RAB3GAP2: variants seen among roughly 807,000 people sequenced by gnomAD.
RAB3GAP2 encodes the protein RAB3 GTPase activating non-catalytic protein subunit 2, also known as rab3 GTPase-activating protein non-catalytic subunit.
A neutral mutation model predicts 185.3 loss-of-function variants in RAB3GAP2; 87 were observed. The ratio of observed to expected loss-of-function variants is 0.47; its 90% CI spans 0.39 to 0.56. RAB3GAP2 has a LOEUF of 0.56. Among genes scored for constraint, RAB3GAP2 ranks in the 20% least tolerant of loss-of-function variants. RAB3GAP2 has a pLI of 0.00. For synonymous variants in RAB3GAP2, 554 were observed against 576.1 expected (o/e 0.96, Z 0.55); for missense variants, 1,492 against 1,638.2 (o/e 0.91, Z 1.54).
rs202020014 is a variant in RAB3GAP2 at position 220,196,237 on chromosome 1, A to C, written c.960+13T>G. On this transcript the variant is annotated intron_variant, in intron 10 of 34. Coordinates refer to ENST00000358951, the MANE Select transcript of RAB3GAP2 (RefSeq NM_012414.4). ...AGAGCAGCCTTACTCATGATCATTGATAAAACTCATACCTCTAAAGCATAG... is the reference window on the plus strand; with the variant it reads ...AGAGCAGCCTTACTCATGATCATTGCTAAAACTCATACCTCTAAAGCATAG... The C allele has an allele frequency of 1.5e-4, 244 of 1,611,468 alleles. No individual in the cohort carries two copies. The highest frequency in any genetic ancestry group is 2.0e-4 in the Non-Finnish European group (237 of 1,177,822).
At chr1:220,266,418 T>G (rs1366017207) in intron 1 of RAB3GAP2, 10 of 446,784 alleles carry the variant, frequency 2.2e-5, no homozygotes, top group Non-Finnish European at 4.2e-5. Flanking sequence ...GAGGACACCA[T>G]GCCTGGCACA....
At chr1:220,241,030 C>T (rs1659688014) in intron 1 of RAB3GAP2, among the ~76,000 whole-genome samples, 1 of 151,982 alleles carries the variant, frequency 6.6e-6, no homozygotes, top group Non-Finnish European at 1.5e-5. Context: ...ATACAGAAAA[C>T]ATATTTTAAT....
At chr1:220,258,479 A>C (rs1660077327) in intron 1 of RAB3GAP2, among the ~76,000 whole-genome samples, 1 of 145,882 alleles carries the variant, frequency 6.9e-6, no homozygotes, top group Non-Finnish European at 1.5e-5. Flanking sequence ...AACTAAAGAC[A>C]AAAAACCACA....
At chr1:220,236,321 CAT>C (rs1339607351) in intron 1 of RAB3GAP2, among the ~76,000 whole-genome samples, 1 of 152,148 alleles carries the variant, frequency 6.6e-6, no homozygotes, top group African/African-American at 2.4e-5. Flanking sequence ...GGATTACAGA[CAT>C]GTGCCACCAC....
In RAB3GAP2 at chr1:220,267,389, G is replaced by C. The variant is rs546571262; in HGVS notation, c.115+4834C>G. 16 of 1,255,780 alleles carry C rather than the reference G, an allele frequency of 1.3e-5. No homozygotes were observed. The African/African-American group carries it at 2.2e-4, about 17-fold the overall frequency. The allele number at this position is 1,255,780 out of a possible 1,614,324, so 77.8% of individuals were successfully genotyped here. A position where few individuals can be genotyped will look rare whatever the true frequency, so the allele number is the denominator to read the frequency against. On this transcript the variant is annotated intron_variant, in intron 1 of 34. Transcript: ENST00000358951. The stretch of plus-strand genomic sequence containing the variant: ...TGTATTTCTACTTCTCTTCTGAGTT[G>C]ATGCTCCACTCCTGCTTTCTCCAGC...
intron 8 of RAB3GAP2, among the ~76,000 whole-genome samples, chr1:220,204,457 A>C (rs540890677): frequency 6.6e-6 from 1 of 152,286 alleles, no homozygotes; most frequent in African/African-American, 2.4e-5. Context: ...AGAAATAGAC[A>C]ATTATTTTAT....
chr1:220,270,310 T>C (rs1194134719), intron 1 of RAB3GAP2, among the ~76,000 whole-genome samples: 1 of 152,244 alleles, frequency 6.6e-6, no homozygotes, highest in Non-Finnish European at 1.5e-5. Flanking sequence ...TAGTACTCAG[T>C]GCATTTCACA....
At chr1:220,205,651 G>A (rs1321470215) in intron 8 of RAB3GAP2, among the ~76,000 whole-genome samples, 4 of 152,184 alleles carry the variant, frequency 2.6e-5, no homozygotes, top group African/African-American at 4.8e-5. Context: ...CTGAATTCGT[G>A]AAGAAAGCCC....
chr1:220,232,145 G>T (rs1169420907), intron 2 of RAB3GAP2, among the ~76,000 whole-genome samples: 1 of 152,136 alleles, frequency 6.6e-6, no homozygotes, highest in Non-Finnish European at 1.5e-5. Flanking sequence ...TGAGTGAATA[G>T]TGAAAGAATA....
rs577384275 is a variant in RAB3GAP2 at position 220,225,255 on chromosome 1, C to T, written c.180+7544G>A. On this transcript the variant is annotated intron_variant, in intron 2 of 34. Coordinates refer to ENST00000358951, the MANE Select transcript of RAB3GAP2 (RefSeq NM_012414.4). ...TTGTTTCCTGGCAATTACTTAGCTG[C>T]ACTTTTCACAACAGCAAATCACTTC... Among the ~76,000 whole-genome samples the T allele has an allele frequency of 4.6e-5, 7 of 152,228 alleles. No individual in the cohort carries two copies. The East Asian group carries it at 9.6e-4, about 21-fold the overall frequency.
chr1:220,172,061 G>A lies in RAB3GAP2; in HGVS notation c.2417-12C>T. 6.2e-7 allele frequency: 1 copy of A among 1,613,762 alleles called. No individual in the cohort carries two copies. The highest frequency in any genetic ancestry group is 8.5e-7 in the Non-Finnish European group (1 of 1,179,820). ...CTCATCGATGGCCACTATAGGGATAGGAGAAAACAGAAAAATAAACTCTTA... is the reference window on the plus strand; with the variant it reads ...CTCATCGATGGCCACTATAGGGATAAGAGAAAACAGAAAAATAAACTCTTA... On this transcript the variant is annotated splice_polypyrimidine_tract_variant and intron_variant, in intron 22 of 34. Transcript: ENST00000358951.
chr1:220,225,183 C>A (rs753606313), intron 2 of RAB3GAP2, among the ~76,000 whole-genome samples: 1 of 152,176 alleles, frequency 6.6e-6, no homozygotes, highest in Non-Finnish European at 1.5e-5. Context: ...CAAGCCTAGA[C>A]AACTTGTTGC....
At chr1:220,193,507 G>T in intron 12 of RAB3GAP2, 128 bp from the exon 13 acceptor site, 1 of 878,134 alleles carries the variant, frequency 1.1e-6, no homozygotes, top group Non-Finnish European at 1.7e-6. Context: ...ATTTTACCTG[G>T]ATTAATAGTT....
At chr1:220,266,258 C>T (rs1159009131) in intron 1 of RAB3GAP2, 17 of 220,212 alleles carry the variant, frequency 7.7e-5, no homozygotes, top group Admixed American at 6.7e-4. Context: ...GAATCACGTA[C>T]TCAGTCCAAC....
rs1238469133 is a variant in RAB3GAP2 at position 220,162,237 on chromosome 1, T to C, written c.3186A>G (p.Leu1062=). 3.1e-6 allele frequency: 5 copies of C among 1,596,064 alleles called. No individual in the cohort carries two copies. Among genetic ancestry groups the C allele is most frequent in the Middle Eastern group, 1.7e-4 (1 of 6,026 alleles). ...GIALMMWNTF[L]VKRFSAATYL... is the part of the protein sequence containing the mutation. Reference sequence around the variant, plus strand: ...ATGTAGCAGCAGAAAATCTTTTAACTAAGAACGTATTCCACATCATCAGTG... The same window carrying C: ...ATGTAGCAGCAGAAAATCTTTTAACCAAGAACGTATTCCACATCATCAGTG... Residue 1062 remains leucine (L), a synonymous_variant, in exon 28 of 35, where the codon TTA becomes TTG. Transcript: ENST00000358951.
intron 21 of RAB3GAP2, 21 bp from the exon 22 acceptor site, chr1:220,172,763 T>C: frequency 1.3e-6 from 2 of 1,550,580 alleles, no homozygotes; most frequent in Non-Finnish European, 1.8e-6. Context: ...ATTTAAATCT[T>C]TTTCAGTCTA....
intron 21 of RAB3GAP2, among the ~76,000 whole-genome samples, chr1:220,177,566 A>C (rs1409982866): frequency 6.6e-6 from 1 of 152,180 alleles, no homozygotes; most frequent in Non-Finnish European, 1.5e-5. Context: ...AAACCCACAC[A>C]ATCTATTCAA....
At chr1:220,258,565 T>C (rs762130830) in intron 1 of RAB3GAP2, among the ~76,000 whole-genome samples, 1 of 152,176 alleles carries the variant, frequency 6.6e-6, no homozygotes, top group Non-Finnish European at 1.5e-5. Context: ...CTCAATAAAC[T>C]AGGTATTAAA....
At chr1:220,213,719 G>A (rs1303839635) in intron 3 of RAB3GAP2, 137 bp downstream of exon 3, 2 of 779,800 alleles carry the variant, frequency 2.6e-6, no homozygotes, top group East Asian at 3.2e-5. Flanking sequence ...GAGGGAGGGG[G>A]CGGAGGAGGA....
Sources: allele counts gnomAD v4.1 joint callset (sites outside exome capture counted in the v4.1 genomes callset), GRCh38; gene constraint gnomAD v4.1.1; transcripts MANE v1.5; gene names NCBI Gene and HGNC (gene_info 2026-07-23, HGNC 2026-07-21).